The following TMOD3 variants were observed in gnomAD, a reference collection of about 807,000 sequenced individuals.
The protein encoded by TMOD3 is tropomodulin-3.
Under a neutral mutation model 39.2 loss-of-function variants are expected in TMOD3, and 20 were observed. That is an observed-to-expected ratio of 0.51 (90% CI 0.36 to 0.74). The LOEUF (loss-of-function observed/expected upper bound fraction) is 0.74. TMOD3 is among the 30% of genes least tolerant of loss of function. The pLI is 0.00. For missense variants in TMOD3, 381 were observed against 412.8 expected, an observed-to-expected ratio of 0.92 and a Z score of 0.67; for synonymous variants, 143 against 145.8, an observed-to-expected ratio of 0.98 and a Z score of 0.14.
intron 3 of TMOD3, among the ~76,000 whole-genome samples, chr15:51,871,467 A>T (rs1255528381): frequency 6.6e-6 from 1 of 152,208 alleles, no homozygotes; most frequent in Non-Finnish European, 1.5e-5. Context: ...GGAGGTAGAA[A>T]CAAAGCGAGA....
In TMOD3 at chr15:51,913,523, C is replaced by T. The variant is rs1353461342; in HGVS notation, c.*4713C>T. The stretch of plus-strand genomic sequence containing the variant: ...ATACTCAACCTGTATTGATTTTTCT[C>T]CACTATAATTCAGTTCTATAAGTTC... On this transcript the variant is annotated 3_prime_UTR_variant, in exon 10 of 10. Coordinates refer to ENST00000308580, the MANE Select transcript of TMOD3 (RefSeq NM_014547.5). The T allele has an allele frequency of 6.6e-6, 1 of 152,002 alleles. No homozygotes were observed. Among genetic ancestry groups the T allele is most frequent in the Non-Finnish European group, 1.5e-5 (1 of 68,000 alleles). 9.4% of individuals were successfully genotyped at this position (152,002 alleles called of 1,614,324 possible). A position where few individuals can be genotyped will look rare whatever the true frequency, so the allele number is the denominator to read the frequency against.
At chr15:51,861,198 G>A (rs1468209394) in intron 1 of TMOD3, 8 of 475,118 alleles carry the variant, frequency 1.7e-5, no homozygotes, top group African/African-American at 7.9e-5. Flanking sequence ...CTTAATGATA[G>A]CGTTAATCTC....
intron 3 of TMOD3, among the ~76,000 whole-genome samples, chr15:51,869,933 T>TTTTG (rs533227194): frequency 0.011 from 1,731 of 152,164 alleles, 41 homozygotes; most frequent in Non-Finnish European, 9.9e-3. Context: ...GTGGTTGTTT[T>TTTTG]TTTGTTTGTT....
Position 51,882,192 on chromosome 15 carries a change from G to A in TMOD3, c.284-5397G>A, listed in dbSNP as rs190760906. Among the ~76,000 whole-genome samples the A allele has an allele frequency of 1.0e-3, 152 of 152,070 alleles. 1 individual carries two copies. The highest frequency in any genetic ancestry group is 3.5e-3 in the African/African-American group (144 of 41,512). ...TTACAGGCGTGAGTCACCATGCCCA[G>A]CCTATTTAGGTTTATAATCTATTTT... is the stretch of plus-strand genomic sequence containing the variant. On this transcript the variant is annotated intron_variant, in intron 3 of 9. Transcript: ENST00000308580.
chr15:51,845,018 G>A (rs756094577), intron 1 of TMOD3, among the ~76,000 whole-genome samples: 1 of 152,140 alleles, frequency 6.6e-6, no homozygotes, highest in Non-Finnish European at 1.5e-5. Context: ...TATCTAGCAT[G>A]ATTCAGCTTT....
chr15:51,859,243 C>G, intron 1 of TMOD3: 1 of 742,854 alleles, frequency 1.3e-6, no homozygotes, highest in South Asian at 1.3e-5. Flanking sequence ...GCTGACTCTC[C>G]CTGCAACATT....
chr15:51,904,045 G>C (rs532321969), intron 9 of TMOD3, among the ~76,000 whole-genome samples: 4 of 152,218 alleles, frequency 2.6e-5, no homozygotes, highest in Admixed American at 6.5e-5. Flanking sequence ...ACAGAAAAGT[G>C]ACAGAGCGAG....
chr15:51,855,120 A>G (rs2056381481), intron 1 of TMOD3, among the ~76,000 whole-genome samples: 1 of 152,234 alleles, frequency 6.6e-6, no homozygotes, highest in Non-Finnish European at 1.5e-5. Flanking sequence ...ACTTTGGGGA[A>G]TATTTAAACA....
rs760348266 is a variant in TMOD3, at chr15:51,893,835, A to T, written c.517A>T (p.Ile173Phe). ...HFSNVVKGEK[I>F]LPVFDEPPNP... ...TGCAGATGTGGTCAAAGGTGAAAAG[A>T]TTCTTCCGGTATTTGATGAGCCACC... Residue 173 changes from isoleucine to phenylalanine, a missense_variant, in exon 6 of 10, where the codon ATT becomes TTT. Coordinates refer to ENST00000308580, the MANE Select transcript of TMOD3 (RefSeq NM_014547.5). The T allele has an allele frequency of 2.5e-6, 4 of 1,606,186 alleles. No homozygotes were observed. Among genetic ancestry groups the T allele is most frequent in the Non-Finnish European group, 3.4e-6 (4 of 1,175,180 alleles).
At position 51,896,569 on chromosome 15, in the gene TMOD3, G is replaced by T. The variant is rs777466916; in HGVS notation, c.735+43G>T. 1.8e-5 allele frequency: 27 copies of T among 1,465,192 alleles called. No individual in the cohort carries two copies. The Admixed American group carries it at 4.7e-4, about 26-fold the overall frequency. The allele number at this position is 1,465,192 out of a possible 1,614,324, so 90.8% of individuals were successfully genotyped here. A position where few individuals can be genotyped will look rare whatever the true frequency, so the allele number is the denominator to read the frequency against. On this transcript the variant is annotated intron_variant, in intron 7 of 9. Coordinates refer to ENST00000308580, the MANE Select transcript of TMOD3 (RefSeq NM_014547.5). ...GAATATCAAAATTATGACATGCCCA[G>T]GGTGTGTTACAGTGGTGATTTTTAT...
intron 3 of TMOD3, among the ~76,000 whole-genome samples, chr15:51,871,281 G>T (rs1322798430): frequency 6.6e-6 from 1 of 152,140 alleles, no homozygotes. Context: ...CTTTTTATTT[G>T]TCAAAGAAAA....
At chr15:51,870,791 A>G (rs2056471053) in intron 3 of TMOD3, among the ~76,000 whole-genome samples, 1 of 152,232 alleles carries the variant, frequency 6.6e-6, no homozygotes, top group Non-Finnish European at 1.5e-5. Flanking sequence ...AGACAGAACC[A>G]ACAGGATGTG....
At chr15:51,830,183 G>T (rs2056247377) in intron 1 of TMOD3, among the ~76,000 whole-genome samples, 1 of 151,982 alleles carries the variant, frequency 6.6e-6, no homozygotes, top group Admixed American at 6.5e-5. Flanking sequence ...ACCCAGCGTC[G>T]CCGGGACGCG....
At chr15:51,892,692 C>T (rs2056599786) in intron 5 of TMOD3, among the ~76,000 whole-genome samples, 1 of 152,138 alleles carries the variant, frequency 6.6e-6, no homozygotes, top group Non-Finnish European at 1.5e-5. Context: ...CTCCCATCAC[C>T]TTATTCTTCT....
intron 3 of TMOD3, among the ~76,000 whole-genome samples, chr15:51,886,535 G>C (rs1382225343): frequency 6.6e-6 from 1 of 152,222 alleles, no homozygotes; most frequent in Non-Finnish European, 1.5e-5. Flanking sequence ...GCGTGGCGGT[G>C]CGCGCCCGCA....
In TMOD3 at chr15:51,912,197, G is replaced by T. The variant is rs1324667996; in HGVS notation, c.*3387G>T. Reference sequence around the variant, plus strand: ...AATCCTAGCACTTTGGGAGGCCGAGGTGGGCGGATCACCTGAGGTCAGGAG... The same window carrying T: ...AATCCTAGCACTTTGGGAGGCCGAGTTGGGCGGATCACCTGAGGTCAGGAG... On this transcript the variant is annotated 3_prime_UTR_variant, in exon 10 of 10. Transcript: ENST00000308580. 1 of 152,158 alleles carries T rather than the reference G, an allele frequency of 6.6e-6. No individual in the cohort carries two copies. Among genetic ancestry groups the T allele is most frequent in the Non-Finnish European group, 1.5e-5 (1 of 68,028 alleles). 9.4% of individuals were successfully genotyped at this position (152,158 alleles called of 1,614,324 possible). A position where few individuals can be genotyped will look rare whatever the true frequency, so the allele number is the denominator to read the frequency against.
intron 1 of TMOD3, among the ~76,000 whole-genome samples, chr15:51,831,758 TCTC>T (rs1370099061): frequency 2.0e-5 from 3 of 152,212 alleles, no homozygotes; most frequent in East Asian, 3.9e-4. Context: ...TTTTTTTTTC[TCTC>T]CTCCTCTTCC....
chr15:51,859,449 A>G, intron 1 of TMOD3: 1 of 660,728 alleles, frequency 1.5e-6, no homozygotes, highest in South Asian at 1.4e-5. Flanking sequence ...TTTCCTGAAA[A>G]AGTCAACTGA....
At chr15:51,862,122 A>T (rs909533111) in intron 1 of TMOD3, among the ~76,000 whole-genome samples, 5 of 152,096 alleles carry the variant, frequency 3.3e-5, no homozygotes, top group Admixed American at 2.0e-4. Context: ...GATTAACCTC[A>T]TGGCTGCCTG....
Sources: allele counts gnomAD v4.1 joint callset (sites outside exome capture counted in the v4.1 genomes callset), GRCh38; gene constraint gnomAD v4.1.1; transcripts MANE v1.5; gene names NCBI Gene and HGNC (gene_info 2026-07-23, HGNC 2026-07-21).